Variants in ARHGAP20 observed in about 807,000 individuals in gnomAD.
ARHGAP20 encodes Rho GTPase activating protein 20, also known as rho GTPase-activating protein 20.
Under a neutral mutation model 73.7 loss-of-function variants are expected in ARHGAP20, and 34 were observed. That is an observed-to-expected ratio of 0.46 (90% CI 0.35 to 0.61). The LOEUF (loss-of-function observed/expected upper bound fraction) is 0.61, where lower values mean the gene tolerates loss of function less well. Among genes scored for constraint, ARHGAP20 ranks in the 20% least tolerant of loss-of-function variants. ARHGAP20 has a pLI of 0.00. For missense variants in ARHGAP20, 1,314 were observed against 1,420.9 expected (o/e 0.92, Z 1.21); for synonymous variants, 523 against 518.2 (o/e 1.01, Z -0.13).
At position 110,701,962 on chromosome 11, in the gene ARHGAP20, A is replaced by G. The variant is rs1950461747; in HGVS notation, c.105+10165T>C. Among the ~76,000 whole-genome samples, 4 of 152,170 alleles carry G rather than the reference A, an allele frequency of 2.6e-5. No homozygotes were observed. In the South Asian group the frequency reaches 8.3e-4, roughly 32 times the overall value. On this transcript the variant is annotated intron_variant, in intron 1 of 14. Transcript: ENST00000683387. Reference sequence around the variant, plus strand: ...TCTATATCTCTGTTTGGGTACCAGTACCATGCTGTTTTGGTAACTGTAGCC... The same window carrying G: ...TCTATATCTCTGTTTGGGTACCAGTGCCATGCTGTTTTGGTAACTGTAGCC...
In ARHGAP20 at chr11:110,690,886, C is replaced by T. The variant is rs886347218; in HGVS notation, c.106-257G>A. On this transcript the variant is annotated intron_variant, in intron 1 of 14. Transcript: ENST00000683387. The stretch of plus-strand genomic sequence containing the variant: ...GAGAATAAAGAGGTTAAATGTTTAC[C>T]AGAATATTTGGGAGAAACACCATCA... 7 of 1,135,714 alleles carry T rather than the reference C, an allele frequency of 6.2e-6. No individual in the cohort carries two copies. In the Admixed American group the frequency reaches 1.3e-4, roughly 21 times the overall value. 70.4% of individuals were successfully genotyped at this position (1,135,714 alleles called of 1,614,324 possible). A position where few individuals can be genotyped will look rare whatever the true frequency, so the allele number is the denominator to read the frequency against.
Position 110,712,287 on chromosome 11 carries a change from C to T in ARHGAP20, c.-56G>A, listed in dbSNP as rs1376644995. Reference sequence around the variant, plus strand: ...GGAGGAGGCTACACGATCATGTCCGCGGGCTGCCGGCCGGAGGGGCGAGGA... The same window carrying T: ...GGAGGAGGCTACACGATCATGTCCGTGGGCTGCCGGCCGGAGGGGCGAGGA... On this transcript the variant is annotated 5_prime_UTR_variant, in exon 1 of 15. Transcript: ENST00000683387. 2 of 1,249,494 alleles carry T rather than the reference C, an allele frequency of 1.6e-6. No individual in the cohort carries two copies. The highest frequency in any genetic ancestry group is 1.6e-5 in the African/African-American group (1 of 63,852). 77.4% of individuals were successfully genotyped at this position (1,249,494 alleles called of 1,614,324 possible).
intron 2 of ARHGAP20, among the ~76,000 whole-genome samples, chr11:110,666,858 C>T (rs187334714): frequency 9.2e-5 from 14 of 152,240 alleles, no homozygotes; most frequent in Non-Finnish European, 1.8e-4. Flanking sequence ...ATTGCTGATA[C>T]GGGGAAAGTT....
At position 110,606,532 on chromosome 11, in the gene ARHGAP20, A is replaced by G. The variant is rs376635621; in HGVS notation, c.964+29T>C. 14 of 1,591,760 alleles carry G rather than the reference A, an allele frequency of 8.8e-6. No individual in the cohort carries two copies. In the African/African-American group the frequency reaches 1.8e-4, roughly 20 times the overall value. Reference sequence around the variant, plus strand: ...CCTTTGTACTAAATTTATGTTCAAGAACGAAAACTTTTGCTAGAAGCAACT... The same window carrying G: ...CCTTTGTACTAAATTTATGTTCAAGGACGAAAACTTTTGCTAGAAGCAACT... On this transcript the variant is annotated intron_variant, in intron 9 of 14. Coordinates refer to ENST00000683387, the MANE Select transcript of ARHGAP20 (RefSeq NM_001384657.1).
At chr11:110,602,406 C>A (rs1207764638) in intron 9 of ARHGAP20, among the ~76,000 whole-genome samples, 2 of 152,190 alleles carry the variant, frequency 1.3e-5, no homozygotes, top group Non-Finnish European at 2.9e-5. Flanking sequence ...CAATGGTTAA[C>A]AGACCAATGG....
intron 2 of ARHGAP20, among the ~76,000 whole-genome samples, chr11:110,677,595 T>C (rs1949958117): frequency 6.6e-6 from 1 of 152,104 alleles, no homozygotes; most frequent in Non-Finnish European, 1.5e-5. Flanking sequence ...AAGTAAGCCA[T>C]GATCATACCT....
chr11:110,642,933 G>T (rs1253329521), intron 2 of ARHGAP20, among the ~76,000 whole-genome samples: 2 of 152,108 alleles, frequency 1.3e-5, no homozygotes, highest in East Asian at 3.9e-4. Flanking sequence ...TGGTTGGTAG[G>T]TTTTTTATTA....
intron 12 of ARHGAP20, among the ~76,000 whole-genome samples, chr11:110,584,775 T>C (rs1206848801): frequency 6.6e-6 from 1 of 151,928 alleles, no homozygotes; most frequent in Non-Finnish European, 1.5e-5. Flanking sequence ...TTGATCTGCA[T>C]CCCTGCCCTG....
chr11:110,599,634 G>A (rs888340628), intron 9 of ARHGAP20, among the ~76,000 whole-genome samples: 1 of 152,164 alleles, frequency 6.6e-6, no homozygotes, highest in Admixed American at 6.5e-5. Flanking sequence ...GTGGGAACTT[G>A]TGGTGCTTTT....
chr11:110,671,661 A>G (rs1815483363), intron 2 of ARHGAP20, among the ~76,000 whole-genome samples: 3 of 152,166 alleles, frequency 2.0e-5, no homozygotes, highest in Non-Finnish European at 2.9e-5. Context: ...TAACAAAAAA[A>G]TCAACTGTAT....
intron 2 of ARHGAP20, among the ~76,000 whole-genome samples, chr11:110,650,299 C>T (rs1488084607): frequency 6.6e-6 from 1 of 152,106 alleles, no homozygotes; most frequent in Non-Finnish European, 1.5e-5. Flanking sequence ...TCAAATGTTG[C>T]AGAATTAATA....
chr11:110,601,015 G>C (rs1354764497), intron 9 of ARHGAP20, among the ~76,000 whole-genome samples: 1 of 152,206 alleles, frequency 6.6e-6, no homozygotes, highest in Admixed American at 6.5e-5. Flanking sequence ...AAGCTAATTA[G>C]AGAAAGCTTT....
At position 110,690,612 on chromosome 11, in the gene ARHGAP20, T is replaced by C. The variant is rs752400778; in HGVS notation, c.123A>G (p.Ala41=). 5.0e-6 allele frequency: 8 copies of C among 1,614,106 alleles called. No individual in the cohort carries two copies. The highest frequency in any genetic ancestry group is 1.1e-5 in the South Asian group (1 of 91,086). The change falls in exon 2 of 15, where the codon GCA becomes GCG. Residue 41 remains alanine, a synonymous_variant. Transcript: ENST00000683387. ...SCTKKKMKTL[A]ERRRSAPSLI... ...GAGATGGAGCGCTCCTCCTCCTTTC[T>C]GCTAGTGTTTTCATTTTCTGTTGAT...
chr11:110,706,883 G>A (rs1055964099), intron 1 of ARHGAP20, among the ~76,000 whole-genome samples: 1 of 152,096 alleles, frequency 6.6e-6, no homozygotes, highest in African/African-American at 2.4e-5. Context: ...AGTAACACCA[G>A]ATAAGAATTG....
At chr11:110,609,126 T>TG in intron 7 of ARHGAP20, 76 bp from the exon 8 acceptor site, 1 of 1,185,714 alleles carries the variant, frequency 8.4e-7, no homozygotes, top group South Asian at 1.3e-5. Context: ...TTTTTTTTTT[T>TG]TGGTTATGTG....
At chr11:110,669,196 T>C (rs1949781280) in intron 2 of ARHGAP20, among the ~76,000 whole-genome samples, 1 of 152,152 alleles carries the variant, frequency 6.6e-6, no homozygotes, top group Non-Finnish European at 1.5e-5. Flanking sequence ...GGGTAAAATA[T>C]TCACATGCCA....
At position 110,578,656 on chromosome 11, in the gene ARHGAP20, GT is replaced by G. The variant is rs1177508411; in HGVS notation, c.*713del. 5 of 985,266 alleles carry G rather than the reference GT, an allele frequency of 5.1e-6. No homozygotes were observed. Among genetic ancestry groups the G allele is most frequent in the Non-Finnish European group, 6.0e-6 (5 of 829,936 alleles). 61.0% of individuals were successfully genotyped at this position (985,266 alleles called of 1,614,324 possible). A position where few individuals can be genotyped will look rare whatever the true frequency, so the allele number is the denominator to read the frequency against. ...TTTTCTTCTTTCTCCTCACAACTCT[GT>G]TTCCTGAAGCCTTGCAAAGCACTTC... is the stretch of plus-strand genomic sequence containing the variant. On this transcript the variant is annotated 3_prime_UTR_variant, in exon 15 of 15. Coordinates refer to ENST00000683387, the MANE Select transcript of ARHGAP20 (RefSeq NM_001384657.1).
chr11:110,683,180 T>C (rs1950069014), intron 2 of ARHGAP20, among the ~76,000 whole-genome samples: 1 of 152,144 alleles, frequency 6.6e-6, no homozygotes, highest in African/African-American at 2.4e-5. Flanking sequence ...ATCAAAATAA[T>C]ACATTTTTGA....
chr11:110,580,283 T>C lies in ARHGAP20; in HGVS notation c.2663A>G (p.His888Arg), dbSNP rs750449090. ...LHGEEDYLKR[H>R]KSLQMEGQKL... ...CTGCCCCTCCATTTGCAAAGACTTA[T>C]GCCGTTTGAGATAATCCTCCTCTCC... is the stretch of plus-strand genomic sequence containing the variant. The change falls in exon 15 of 15, where the codon CAT (histidine) becomes CGT (arginine). Residue 888 changes from histidine to arginine, a missense_variant. This residue lies in a region of ARHGAP20 where 641 missense variants were observed against 636.9 expected (regional missense o/e 1.01). Transcript: ENST00000683387. 3.1e-6 allele frequency: 5 copies of C among 1,614,248 alleles called. No individual in the cohort carries two copies. The highest frequency in any genetic ancestry group is 4.2e-6 in the Non-Finnish European group (5 of 1,180,044).
Sources: gnomAD v4.1 joint callset for allele counts (sites outside exome capture counted in the v4.1 genomes callset) on GRCh38, gnomAD v4.1.1 for gene constraint, gnomAD v4.1.1 regional missense constraint, MANE v1.5 for transcripts, NCBI Gene and HGNC (gene_info 2026-07-23, HGNC 2026-07-21) for gene names.